Variants in CSMD1 observed in about 807,000 individuals in gnomAD.
The protein encoded by CSMD1 is CUB and Sushi multiple domains 1, also known as CUB and sushi domain-containing protein 1.
Under a neutral mutation model 417.5 loss-of-function variants are expected in CSMD1, and 213 were observed. That is an observed-to-expected ratio of 0.51 (90% CI 0.46 to 0.57). CSMD1 has a LOEUF of 0.57. CSMD1 is among the 20% of genes least tolerant of loss of function. The pLI, the probability that CSMD1 is intolerant of heterozygous loss-of-function variation, is 0.00. For synonymous variants in CSMD1, 2,862 were observed against 1,736.8 expected, an observed-to-expected ratio of 1.65 and a Z score of -16.11; for missense variants, 6,923 against 4,529.7, an observed-to-expected ratio of 1.53 and a Z score of -15.17.
At chr8:4,071,499 T>C (rs988907932) in intron 3 of CSMD1, among the ~76,000 whole-genome samples, 5 of 152,208 alleles carry the variant, frequency 3.3e-5, no homozygotes, top group African/African-American at 9.7e-5. Context: ...ACCAAGAGCA[T>C]TGCTTCCTTT....
chr8:4,110,853 T>G (rs1355781746), intron 3 of CSMD1, among the ~76,000 whole-genome samples: 1 of 152,100 alleles, frequency 6.6e-6, no homozygotes, highest in Non-Finnish European at 1.5e-5. Context: ...AATCAGAGAC[T>G]TTTTTCCTTG....
chr8:4,024,945 T>A (rs1052485702), intron 4 of CSMD1, among the ~76,000 whole-genome samples: 16 of 152,192 alleles, frequency 1.1e-4, no homozygotes, highest in African/African-American at 3.9e-4. Flanking sequence ...TGAGGGAGCA[T>A]GAATCTTTGT....
chr8:4,281,727 G>A (rs1796795343), intron 3 of CSMD1, among the ~76,000 whole-genome samples: 1 of 152,060 alleles, frequency 6.6e-6, no homozygotes, highest in Non-Finnish European at 1.5e-5. Flanking sequence ...ACATTAAACG[G>A]AATCAATGTA....
intron 5 of CSMD1, among the ~76,000 whole-genome samples, chr8:3,819,561 C>CACACACACACACACACTT (rs3219854): frequency 2.7e-5 from 4 of 149,780 alleles, no homozygotes; most frequent in Non-Finnish European, 4.5e-5. Context: ...CACACACACA[C>CACACACACACACACACTT]GTATGTATAT....
intron 11 of CSMD1, among the ~76,000 whole-genome samples, chr8:3,487,945 A>T (rs1268315429): frequency 1.3e-5 from 2 of 152,104 alleles, no homozygotes; most frequent in Non-Finnish European, 2.9e-5. Flanking sequence ...GCATCCCATT[A>T]GAGATGTGTA....
intron 1 of CSMD1, among the ~76,000 whole-genome samples, chr8:4,928,280 T>G (rs1807010616): frequency 6.6e-6 from 1 of 152,244 alleles, no homozygotes; most frequent in Non-Finnish European, 1.5e-5. Flanking sequence ...CAAACTGTCC[T>G]GACCTCCCAT....
At chr8:4,379,569 C>G (rs1802969565) in intron 3 of CSMD1, among the ~76,000 whole-genome samples, 1 of 152,140 alleles carries the variant, frequency 6.6e-6, no homozygotes, top group Admixed American at 6.5e-5. Context: ...TTTGTGGTGT[C>G]TAAAATTATT....
chr8:3,154,428 G>A (rs552992095), intron 39 of CSMD1, among the ~76,000 whole-genome samples: 56 of 152,338 alleles, frequency 3.7e-4, no homozygotes, highest in African/African-American at 9.9e-4. Context: ...AGCATATTTA[G>A]AGTTATTGGT....
chr8:3,136,102 C>A (rs904692145), intron 41 of CSMD1, among the ~76,000 whole-genome samples: 3 of 152,140 alleles, frequency 2.0e-5, no homozygotes, highest in African/African-American at 4.8e-5. Flanking sequence ...TTGTCCCCCC[C>A]TCATGCATTA....
chr8:4,185,278 G>C (rs956035486), intron 3 of CSMD1, among the ~76,000 whole-genome samples: 1 of 151,888 alleles, frequency 6.6e-6, no homozygotes, highest in Admixed American at 6.6e-5. Flanking sequence ...TCATGATCTT[G>C]GGCAAATTGT....
chr8:3,457,003 T>G (rs1563057014), intron 12 of CSMD1, among the ~76,000 whole-genome samples: 1 of 151,674 alleles, frequency 6.6e-6, no homozygotes, highest in Non-Finnish European at 1.5e-5. Flanking sequence ...TTTGTACTCC[T>G]TCCCTTGCAC....
chr8:3,275,247 A>C (rs1202460412), intron 26 of CSMD1, among the ~76,000 whole-genome samples: 1 of 152,162 alleles, frequency 6.6e-6, no homozygotes, highest in Non-Finnish European at 1.5e-5. Flanking sequence ...AAGAATGTTG[A>C]ATATTGGCCA....
At chr8:4,885,232 C>T (rs557687709) in intron 1 of CSMD1, among the ~76,000 whole-genome samples, 2 of 151,958 alleles carry the variant, frequency 1.3e-5, no homozygotes, top group Non-Finnish European at 2.9e-5. Context: ...GTTTTTTAAT[C>T]GAATTTCTTA....
intron 23 of CSMD1, among the ~76,000 whole-genome samples, chr8:3,319,532 G>A (rs765350096): frequency 2.6e-5 from 4 of 152,134 alleles, no homozygotes; most frequent in Admixed American, 1.3e-4. Flanking sequence ...TAATTAAAAT[G>A]TATCTAAATT....
intron 3 of CSMD1, among the ~76,000 whole-genome samples, chr8:4,418,750 G>C (rs968127149): frequency 4.7e-5 from 7 of 150,370 alleles, no homozygotes; most frequent in African/African-American, 1.7e-4. Context: ...AACATCCACT[G>C]ATCTTCAATT....
At chr8:4,676,668 T>C (rs544003840) in intron 1 of CSMD1, among the ~76,000 whole-genome samples, 1 of 152,214 alleles carries the variant, frequency 6.6e-6, no homozygotes, top group East Asian at 1.9e-4. Context: ...AAAAGAACAA[T>C]TTTATTATAG....
intron 27 of CSMD1, among the ~76,000 whole-genome samples, chr8:3,227,606 TAG>T (rs1231235877): frequency 1.3e-5 from 2 of 152,094 alleles, no homozygotes; most frequent in East Asian, 1.9e-4. Flanking sequence ...AAATAGATAC[TAG>T]AGAGTGGCAT....
intron 5 of CSMD1, among the ~76,000 whole-genome samples, chr8:3,977,889 G>A (rs748819028): frequency 1.3e-5 from 2 of 152,164 alleles, no homozygotes; most frequent in African/African-American, 4.8e-5. Flanking sequence ...ATAAACTCAA[G>A]AATGGTAACT....
At chr8:3,224,016 C>T (rs2116872931) in intron 27 of CSMD1, 149 bp from the exon 28 acceptor site, 1 of 656,854 alleles carries the variant, frequency 1.5e-6, no homozygotes, top group Non-Finnish European at 2.4e-6. Flanking sequence ...TATCAATTAT[C>T]CTGATAAAAT....
Sources: gnomAD v4.1 joint callset for allele counts (sites outside exome capture counted in the v4.1 genomes callset) on GRCh38, gnomAD v4.1.1 for gene constraint, MANE v1.5 for transcripts, NCBI Gene and HGNC (gene_info 2026-07-23, HGNC 2026-07-21) for gene names.